The following PTPRG variants were observed in gnomAD, a reference collection of about 807,000 sequenced individuals.
The protein encoded by PTPRG is protein tyrosine phosphatase receptor type G.
In PTPRG, 102 loss-of-function variants were observed where a neutral mutation model predicts 165.3. The observed-to-expected ratio is 0.62, with a 90% CI of 0.53 to 0.73. The LOEUF (loss-of-function observed/expected upper bound fraction) is 0.73. PTPRG is among the 30% of genes least tolerant of loss of function. The pLI, the probability that PTPRG is intolerant of heterozygous loss-of-function variation, is 0.00. For synonymous variants in PTPRG, 675 were observed against 669.5 expected (o/e 1.01, Z -0.13); for missense variants, 1,866 against 1,861.4 (o/e 1.00, Z -0.05).
At chr3:62,242,596 C>T (rs1380822513) in intron 14 of PTPRG, among the ~76,000 whole-genome samples, 2 of 152,176 alleles carry the variant, frequency 1.3e-5, no homozygotes, top group South Asian at 2.1e-4. Flanking sequence ...GAGATGGAAA[C>T]ATCTTTGTAA....
rs868367753 is a variant in PTPRG, at chr3:61,796,467, G to A, written c.190+47485G>A. Among the ~76,000 whole-genome samples, 8 of 152,236 alleles carry A rather than the reference G, an allele frequency of 5.3e-5. 1 individual carries two copies. In the South Asian group the frequency reaches 1.2e-3, roughly 24 times the overall value. Reference sequence around the variant, plus strand: ...AGAGCTGATAGCTGCCAGCTCCAGAGCCTGAGTGGGCAGAACTTGGTTCCT... The same window carrying A: ...AGAGCTGATAGCTGCCAGCTCCAGAACCTGAGTGGGCAGAACTTGGTTCCT... On this transcript the variant is annotated intron_variant, in intron 2 of 29. Transcript: ENST00000474889.
chr3:61,618,158 A>G (rs1382141054), intron 1 of PTPRG, among the ~76,000 whole-genome samples: 1 of 152,242 alleles, frequency 6.6e-6, no homozygotes, highest in Non-Finnish European at 1.5e-5. Context: ...TGGCTGGAAT[A>G]CAGGATCAGC....
At chr3:61,623,175 C>T (rs972721754) in intron 1 of PTPRG, among the ~76,000 whole-genome samples, 1 of 152,090 alleles carries the variant, frequency 6.6e-6, no homozygotes, top group Non-Finnish European at 1.5e-5. Flanking sequence ...GTCTAAGAAT[C>T]GTAAGATACC....
intron 1 of PTPRG, among the ~76,000 whole-genome samples, chr3:61,734,936 C>T (rs1034734206): frequency 2.6e-5 from 4 of 152,052 alleles, no homozygotes; most frequent in Non-Finnish European, 2.9e-5. Flanking sequence ...ACTGCTTTTC[C>T]GTCTGACTCT....
intron 7 of PTPRG, among the ~76,000 whole-genome samples, chr3:62,167,390 C>G (rs1192096997): frequency 6.6e-6 from 1 of 152,146 alleles, no homozygotes; most frequent in Non-Finnish European, 1.5e-5. Context: ...ATTTATGAAG[C>G]TCTTATGATA....
chr3:61,846,713 A>C (rs946521441), intron 2 of PTPRG, among the ~76,000 whole-genome samples: 1 of 152,200 alleles, frequency 6.6e-6, no homozygotes, highest in African/African-American at 2.4e-5. Context: ...CCAGGAGCTC[A>C]AGACCAACCT....
chr3:61,832,174 A>G (rs1435003511), intron 2 of PTPRG, among the ~76,000 whole-genome samples: 1 of 152,204 alleles, frequency 6.6e-6, no homozygotes, highest in Non-Finnish European at 1.5e-5. Context: ...TCACATTTCC[A>G]TTTAGCTGTA....
At chr3:61,888,719 T>C (rs1232238819) in intron 2 of PTPRG, among the ~76,000 whole-genome samples, 2 of 152,246 alleles carry the variant, frequency 1.3e-5, no homozygotes, top group Non-Finnish European at 1.5e-5. Context: ...TCAATCCTTA[T>C]TCTAAGTTTC....
At chr3:62,115,134 A>G (rs1394269912) in intron 5 of PTPRG, among the ~76,000 whole-genome samples, 1 of 152,136 alleles carries the variant, frequency 6.6e-6, no homozygotes, top group East Asian at 1.9e-4. Flanking sequence ...CATGTTTCTC[A>G]TCTCTTATCT....
At chr3:61,794,959 A>G (rs1318119422) in intron 2 of PTPRG, among the ~76,000 whole-genome samples, 2 of 152,246 alleles carry the variant, frequency 1.3e-5, no homozygotes, top group African/African-American at 2.4e-5. Context: ...GTGGTGGTGT[A>G]GAGTCAACTA....
At chr3:62,061,670 C>G (rs997276388) in intron 4 of PTPRG, among the ~76,000 whole-genome samples, 1 of 151,250 alleles carries the variant, frequency 6.6e-6, no homozygotes, top group Non-Finnish European at 1.5e-5. Context: ...GCTCTGTCGC[C>G]CAGGCCGGAG....
chr3:61,989,569 C>T, intron 2 of PTPRG, 56 bp from the exon 3 acceptor site: 1 of 1,524,492 alleles, frequency 6.6e-7, no homozygotes, highest in Non-Finnish European at 8.9e-7. Context: ...AAGATTTATT[C>T]ATTTCATCCC....
chr3:62,049,963 A>C (rs1207359044), intron 4 of PTPRG, among the ~76,000 whole-genome samples: 1 of 152,228 alleles, frequency 6.6e-6, no homozygotes, highest in Non-Finnish European at 1.5e-5. Context: ...TGTATGATTA[A>C]AGTGACACCA....
At chr3:61,866,771 G>A (rs1435690133) in intron 2 of PTPRG, among the ~76,000 whole-genome samples, 1 of 151,670 alleles carries the variant, frequency 6.6e-6, no homozygotes, top group African/African-American at 2.4e-5. Flanking sequence ...GCTAATTTTT[G>A]TATTTTTAGT....
intron 4 of PTPRG, among the ~76,000 whole-genome samples, chr3:62,075,774 A>T (rs1701360565): frequency 6.6e-6 from 1 of 152,100 alleles, no homozygotes; most frequent in South Asian, 2.1e-4. Flanking sequence ...CAAATCTCTA[A>T]ATCTCTCTGG....
At chr3:61,792,676 CTTT>C (rs2034915642) in intron 2 of PTPRG, among the ~76,000 whole-genome samples, 1 of 164 alleles carries the variant, frequency 6.1e-3, no homozygotes, top group African/African-American at 0.019. Flanking sequence ...GGTTTTCTTT[CTTT>C]CTTTCTTTCT....
intron 2 of PTPRG, among the ~76,000 whole-genome samples, chr3:61,930,578 A>G (rs1387000927): frequency 2.6e-5 from 4 of 152,228 alleles, no homozygotes; most frequent in Admixed American, 6.5e-5. Flanking sequence ...CAAGGAGGAA[A>G]GGATGGAAAA....
intron 2 of PTPRG, among the ~76,000 whole-genome samples, chr3:61,771,892 T>C (rs2034216184): frequency 6.6e-6 from 1 of 151,446 alleles, no homozygotes; most frequent in Admixed American, 6.6e-5. Flanking sequence ...AAAACCTGTC[T>C]CTACTAAAAA....
At chr3:62,243,277 T>C (rs1027227236) in intron 14 of PTPRG, among the ~76,000 whole-genome samples, 2 of 152,076 alleles carry the variant, frequency 1.3e-5, no homozygotes, top group African/African-American at 2.4e-5. Flanking sequence ...GGCCTCTGAT[T>C]CTGAGTGCTT....
Sources: gnomAD v4.1 joint callset for allele counts (sites outside exome capture counted in the v4.1 genomes callset) on GRCh38, gnomAD v4.1.1 for gene constraint, MANE v1.5 for transcripts, NCBI Gene and HGNC (gene_info 2026-07-23, HGNC 2026-07-21) for gene names.